Variants in SCHIP1 observed in about 807,000 individuals in gnomAD.
The protein encoded by SCHIP1 is schwannomin-interacting protein 1.
In SCHIP1, 8 loss-of-function variants were observed where a neutral mutation model predicts 29.7. The observed-to-expected ratio is 0.27, with a 90% confidence interval of 0.16 to 0.49. The LOEUF is 0.49. Among genes scored for constraint, SCHIP1 ranks in the 20% least tolerant of loss-of-function variants. SCHIP1 has a pLI of 0.99. For missense variants in SCHIP1, 193 were observed against 294.6 expected (o/e 0.66, Z 2.52); for synonymous variants, 76 against 94.9 (o/e 0.80, Z 1.16).
chr3:159,275,086 G>A, the SCHIP1 span: 28 of 971,760 alleles, frequency 2.9e-5, no homozygotes, highest in Non-Finnish European at 2.8e-5. Flanking sequence ...TAATTTTAGA[G>A]GATGTAACAA....
At chr3:159,860,300 G>GTCAAGTCC (rs1713904530) in intron 1 of SCHIP1, among the ~76,000 whole-genome samples, 1 of 152,218 alleles carries the variant, frequency 6.6e-6, no homozygotes, top group African/African-American at 2.4e-5. Context: ...AGAAAGAGCA[G>GTCAAGTCC]TCAAGTCCTG....
At chr3:159,360,382 T>G in the SCHIP1 span, among the ~76,000 whole-genome samples, 268 of 152,314 alleles carry the variant, frequency 1.8e-3, 4 homozygotes, top group East Asian at 0.044. Context: ...AAACAGGAAA[T>G]AGAACAATTC....
chr3:159,671,324 G>A, the SCHIP1 span, among the ~76,000 whole-genome samples: 1 of 152,134 alleles, frequency 6.6e-6, no homozygotes, highest in African/African-American at 2.4e-5. Context: ...ATGGATCTGG[G>A]TGATATAGTC....
chr3:159,424,521 C>A, the SCHIP1 span, among the ~76,000 whole-genome samples: 2 of 152,148 alleles, frequency 1.3e-5, no homozygotes, highest in African/African-American at 4.8e-5. Context: ...AACAAAGCCT[C>A]CAAGAAATAT....
chr3:159,397,547 C>A, the SCHIP1 span, among the ~76,000 whole-genome samples: 3 of 152,270 alleles, frequency 2.0e-5, no homozygotes, highest in Non-Finnish European at 2.9e-5. Context: ...AAAGATAGGA[C>A]CCTCAGCTGC....
At chr3:159,791,403 G>A in the SCHIP1 span, among the ~76,000 whole-genome samples, 1 of 152,334 alleles carries the variant, frequency 6.6e-6, no homozygotes, top group South Asian at 2.1e-4. Context: ...ACAACAAAAG[G>A]GAAGAGGCGA....
chr3:159,593,545 T>G, the SCHIP1 span, among the ~76,000 whole-genome samples: 1 of 152,172 alleles, frequency 6.6e-6, no homozygotes, highest in African/African-American at 2.4e-5. Flanking sequence ...GCCTCATCTG[T>G]AATGCCCCTT....
At chr3:159,464,991 A>T in the SCHIP1 span, among the ~76,000 whole-genome samples, 2 of 152,234 alleles carry the variant, frequency 1.3e-5, no homozygotes, top group African/African-American at 4.8e-5. Context: ...AGCCTAAAGC[A>T]AGACATTATA....
At chr3:159,473,404 AG>A in the SCHIP1 span, among the ~76,000 whole-genome samples, 1 of 152,198 alleles carries the variant, frequency 6.6e-6, no homozygotes. Flanking sequence ...CTGTAATAAA[AG>A]TTACCCTAGA....
At chr3:159,637,761 CAT>C in the SCHIP1 span, among the ~76,000 whole-genome samples, 4 of 152,114 alleles carry the variant, frequency 2.6e-5, no homozygotes, top group South Asian at 8.3e-4. Flanking sequence ...TTCAATAAAA[CAT>C]ATATGGAAAA....
At chr3:159,323,704 T>G in the SCHIP1 span, among the ~76,000 whole-genome samples, 1 of 152,210 alleles carries the variant, frequency 6.6e-6, no homozygotes. Context: ...TATTCAAAGC[T>G]TGCTGTAGTA....
At chr3:159,400,068 G>A in the SCHIP1 span, among the ~76,000 whole-genome samples, 1 of 152,228 alleles carries the variant, frequency 6.6e-6, no homozygotes, top group Non-Finnish European at 1.5e-5. Context: ...ACGGTCTGTG[G>A]ACCACAGGTT....
chr3:159,427,002 T>C, the SCHIP1 span, among the ~76,000 whole-genome samples: 1 of 152,176 alleles, frequency 6.6e-6, no homozygotes. Context: ...TGCTAAAAAC[T>C]CTCAATAAAT....
the SCHIP1 span, among the ~76,000 whole-genome samples, chr3:159,508,674 T>C: frequency 6.6e-6 from 1 of 152,218 alleles, no homozygotes; most frequent in East Asian, 1.9e-4. Context: ...TGTGTCTTTG[T>C]TTTTGTTGGT....
chr3:159,800,632 G>A, the SCHIP1 span, among the ~76,000 whole-genome samples: 13 of 152,080 alleles, frequency 8.5e-5, no homozygotes, highest in African/African-American at 1.9e-4. Context: ...CTGGTGGCCC[G>A]TGAAGGTCCT....
chr3:159,634,316 T>C, the SCHIP1 span, among the ~76,000 whole-genome samples: 110 of 152,312 alleles, frequency 7.2e-4, no homozygotes, highest in African/African-American at 2.6e-3. Flanking sequence ...TAATGTTTCA[T>C]ACCGTAAAAA....
the SCHIP1 span, among the ~76,000 whole-genome samples, chr3:159,502,427 G>A: frequency 9.2e-5 from 14 of 152,036 alleles, no homozygotes; most frequent in East Asian, 1.9e-4. Flanking sequence ...AAATCCAATC[G>A]AGTCCTACAG....
intron 1 of SCHIP1, among the ~76,000 whole-genome samples, chr3:159,862,726 C>T (rs1418565460): frequency 6.6e-6 from 1 of 152,110 alleles, no homozygotes; most frequent in Non-Finnish European, 1.5e-5. Flanking sequence ...AAAGAAAGTA[C>T]AGTCACTAAA....
the SCHIP1 span, among the ~76,000 whole-genome samples, chr3:159,759,100 C>A: frequency 1.6e-4 from 24 of 151,988 alleles, no homozygotes; most frequent in Non-Finnish European, 7.4e-5. Context: ...ATGTAGAAAA[C>A]AAATATAATC....
Sources: allele counts gnomAD v4.1 joint callset (sites outside exome capture counted in the v4.1 genomes callset), GRCh38; gene constraint gnomAD v4.1.1; transcripts MANE v1.5; gene names NCBI Gene and HGNC (gene_info 2026-07-23, HGNC 2026-07-21).